ABCD3: variants seen among roughly 807,000 people sequenced by gnomAD.
ABCD3 encodes the protein ATP-binding cassette sub-family D member 3.
In ABCD3, 41 loss-of-function variants were observed where a neutral mutation model predicts 105.5. The observed-to-expected ratio is 0.39, with a 90% CI of 0.30 to 0.50. The LOEUF (loss-of-function observed/expected upper bound fraction) is 0.50. ABCD3 is among the 20% of genes least tolerant of loss of function. The pLI, the probability that ABCD3 is intolerant of heterozygous loss-of-function variation, is 0.84. For synonymous variants in ABCD3, 258 were observed against 269.0 expected (o/e 0.96, Z 0.40); for missense variants, 622 against 806.3 (o/e 0.77, Z 2.77).
At position 94,428,086 on chromosome 1, in the gene ABCD3, A is replaced by ATT. The variant is rs1330395385; in HGVS notation, c.110+9503_110+9504dup. Among the ~76,000 whole-genome samples, 6 of 145,348 alleles carry ATT rather than the reference A, an allele frequency of 4.1e-5. No individual in the cohort carries two copies. In the East Asian group the frequency reaches 1.2e-3, roughly 30 times the overall value. On this transcript the variant is annotated intron_variant, in intron 1 of 22. Transcript: ENST00000370214. Reference sequence around the variant, plus strand: ...TAAAAGGTGTTTTGTTTTTTTTTTTATTTTTTATTTTTTTGCCACAAGATT... The same window carrying ATT: ...TAAAAGGTGTTTTGTTTTTTTTTTTATTTTTTTTATTTTTTTGCCACAAGATT...
Position 94,499,579 on chromosome 1 carries a change from G to T in ABCD3, c.1705G>T (p.Asp569Tyr), listed in dbSNP as rs747900622. The T allele has an allele frequency of 6.2e-7, 1 of 1,613,792 alleles. No homozygotes were observed. Among genetic ancestry groups the T allele is most frequent in the Admixed American group, 1.7e-5 (1 of 59,998 alleles). Residue 569 changes from aspartate to tyrosine, a missense_variant, in exon 20 of 23, where the codon GAC becomes TAC. Coordinates refer to ENST00000370214, the MANE Select transcript of ABCD3 (RefSeq NM_002858.4). ...CTGGGACAGTGTTCAGGATTGGATG[G>T]ACGTACTCAGTGGTGGAGAAAAGCA... ...GGWDSVQDWM[D>Y]VLSGGEKQRM... is the part of the protein sequence containing the mutation.
At chr1:94,504,191 G>A (rs1473914772) in intron 20 of ABCD3, among the ~76,000 whole-genome samples, 4 of 151,794 alleles carry the variant, frequency 2.6e-5, no homozygotes, top group Admixed American at 6.6e-5. Context: ...GATTACAGGC[G>A]TGAGCTGCTG....
intron 1 of ABCD3, among the ~76,000 whole-genome samples, chr1:94,441,487 G>T (rs1570749394): frequency 6.6e-6 from 1 of 152,188 alleles, no homozygotes; most frequent in Admixed American, 6.5e-5. Flanking sequence ...TATTGACTCA[G>T]TAGTCCCACT....
At chr1:94,516,767 A>G (rs904477322) in intron 22 of ABCD3, among the ~76,000 whole-genome samples, 1 of 151,918 alleles carries the variant, frequency 6.6e-6, no homozygotes, top group African/African-American at 2.4e-5. Context: ...CTACTAAATT[A>G]AAAACAAATA....
rs1231650584 is a variant in ABCD3, at chr1:94,424,065, A to G, written c.110+5477A>G. ...CGTTTGGATCCTCAAAATAAAAAAG[A>G]GATGCTTAAGCAACCTTGGATGGAA... On this transcript the variant is annotated intron_variant, in intron 1 of 22. Coordinates refer to ENST00000370214, the MANE Select transcript of ABCD3 (RefSeq NM_002858.4). Among the ~76,000 whole-genome samples the G allele has an allele frequency of 2.0e-5, 3 of 152,178 alleles. No homozygotes were observed. In the East Asian group the frequency reaches 5.8e-4, roughly 29 times the overall value.
intron 13 of ABCD3, among the ~76,000 whole-genome samples, chr1:94,488,855 G>A (rs1246588633): frequency 1.3e-5 from 2 of 151,716 alleles, no homozygotes; most frequent in African/African-American, 2.4e-5. Context: ...CTGTGTGGGT[G>A]TGTGTGTCTT....
chr1:94,447,389 T>TA (rs955320898), intron 1 of ABCD3, among the ~76,000 whole-genome samples: 4 of 152,082 alleles, frequency 2.6e-5, no homozygotes, highest in Non-Finnish European at 5.9e-5. Flanking sequence ...CTGCTATGAT[T>TA]AAAAAAAATT....
At chr1:94,395,099 G>A in the ABCD3 span, among the ~76,000 whole-genome samples, 7 of 152,160 alleles carry the variant, frequency 4.6e-5, no homozygotes, top group East Asian at 9.7e-4. Context: ...AAATGCCTTG[G>A]GTATCCTCCT....
chr1:94,392,981 G>A, the ABCD3 span, among the ~76,000 whole-genome samples: 14 of 151,726 alleles, frequency 9.2e-5, no homozygotes, highest in South Asian at 4.2e-4. Context: ...TTGTGGTGGC[G>A]CGCACCTGTA....
the ABCD3 span, among the ~76,000 whole-genome samples, chr1:94,403,431 T>A: frequency 1.3e-5 from 2 of 152,302 alleles, no homozygotes; most frequent in Non-Finnish European, 2.9e-5. Flanking sequence ...TATGAAAATA[T>A]CCTGTTCCTC....
intron 1 of ABCD3, among the ~76,000 whole-genome samples, chr1:94,450,442 A>T (rs926345954): frequency 6.6e-6 from 1 of 152,228 alleles, no homozygotes; most frequent in African/African-American, 2.4e-5. Flanking sequence ...GAATGAGGGC[A>T]AGGAACACCT....
chr1:94,407,655 C>T, the ABCD3 span, among the ~76,000 whole-genome samples: 2 of 152,176 alleles, frequency 1.3e-5, no homozygotes, highest in Admixed American at 6.5e-5. Flanking sequence ...CCAGGCTAGA[C>T]TAAAAACTGA....
At chr1:94,512,408 T>C (rs1393060167) in intron 21 of ABCD3, among the ~76,000 whole-genome samples, 1 of 151,908 alleles carries the variant, frequency 6.6e-6, no homozygotes, top group African/African-American at 2.4e-5. Context: ...GGGAAATATA[T>C]TTAAATATGT....
chr1:94,433,133 G>T (rs896697399), intron 1 of ABCD3, among the ~76,000 whole-genome samples: 6 of 151,816 alleles, frequency 4.0e-5, no homozygotes, highest in African/African-American at 1.4e-4. Flanking sequence ...TGGGATTACA[G>T]GCGTAAGCCA....
intron 3 of ABCD3, 127 bp downstream of exon 3, chr1:94,465,000 C>A: frequency 1.2e-6 from 1 of 806,070 alleles, no homozygotes; most frequent in Non-Finnish European, 2.1e-6. Flanking sequence ...ACAAGCATGG[C>A]ACAGCATCTC....
At chr1:94,497,776 A>G (rs960081630) in intron 16 of ABCD3, among the ~76,000 whole-genome samples, 1 of 152,240 alleles carries the variant, frequency 6.6e-6, no homozygotes, top group Admixed American at 6.5e-5. Context: ...CAAAATGCAG[A>G]TGACCTAAAT....
intron 21 of ABCD3, among the ~76,000 whole-genome samples, chr1:94,508,409 T>A (rs1570838156): frequency 6.6e-6 from 1 of 152,260 alleles, no homozygotes; most frequent in Non-Finnish European, 1.5e-5. Context: ...GTAGTATGGT[T>A]TGAAGTCAGG....
the ABCD3 span, among the ~76,000 whole-genome samples, chr1:94,411,050 T>A: frequency 5.9e-5 from 9 of 152,070 alleles, no homozygotes; most frequent in Non-Finnish European, 1.0e-4. Flanking sequence ...AGGGGATACA[T>A]CTTCATGATC....
intron 1 of ABCD3, among the ~76,000 whole-genome samples, chr1:94,446,792 C>T (rs1215976452): frequency 6.6e-6 from 1 of 152,084 alleles, no homozygotes. Context: ...TGGTAAAGCC[C>T]CTGAAGTATA....
Sources: gnomAD v4.1 joint callset for allele counts (sites outside exome capture counted in the v4.1 genomes callset) on GRCh38, gnomAD v4.1.1 for gene constraint, MANE v1.5 for transcripts, NCBI Gene and HGNC (gene_info 2026-07-23, HGNC 2026-07-21) for gene names.